Variants in SAMD12 observed in about 807,000 individuals in gnomAD.
SAMD12 encodes the protein sterile alpha motif domain-containing protein 12.
SAMD12 carries 9 observed loss-of-function variants against 15.0 expected under a neutral mutation model. That is an observed-to-expected ratio of 0.60 (90% confidence interval 0.36 to 1.05). The LOEUF (loss-of-function observed/expected upper bound fraction) is 1.05, where lower values mean the gene tolerates loss of function less well. SAMD12 is among the 50% of genes least tolerant of loss of function. The pLI, the probability that SAMD12 is intolerant of heterozygous loss-of-function variation, is 0.01. For missense variants in SAMD12, 230 were observed against 234.2 expected (o/e 0.98, Z 0.12); for synonymous variants, 86 against 90.1 (o/e 0.96, Z 0.25).
At chr8:118,200,674 T>C (rs535374841) in intron 4 of SAMD12, among the ~76,000 whole-genome samples, 2 of 152,332 alleles carry the variant, frequency 1.3e-5, no homozygotes, top group Admixed American at 6.5e-5. Flanking sequence ...TGCTCTTTGC[T>C]GTTTTTGCAG....
chr8:118,315,625 G>A (rs1394598666), intron 4 of SAMD12, among the ~76,000 whole-genome samples: 2 of 152,086 alleles, frequency 1.3e-5, no homozygotes. Flanking sequence ...CGGGATAAGT[G>A]TCTTAAAATA....
At chr8:118,518,880 G>A (rs778783377) in intron 2 of SAMD12, among the ~76,000 whole-genome samples, 8 of 152,120 alleles carry the variant, frequency 5.3e-5, no homozygotes, top group Admixed American at 3.3e-4. Flanking sequence ...CAGGCACCAG[G>A]GAAGAGTACA....
chr8:118,287,674 GGAAAGGGACAT>G (rs1328576563), intron 4 of SAMD12, among the ~76,000 whole-genome samples: 1 of 152,078 alleles, frequency 6.6e-6, no homozygotes, highest in African/African-American at 2.4e-5. Flanking sequence ...AGGACTAGGG[GGAAAGGGACAT>G]TTAGGAGGCT....
intron 3 of SAMD12, among the ~76,000 whole-genome samples, chr8:118,429,329 T>C (rs1262049527): frequency 6.6e-6 from 1 of 152,226 alleles, no homozygotes; most frequent in African/African-American, 2.4e-5. Context: ...AAATGCTCAC[T>C]GCAGTACTTC....
intron 4 of SAMD12, among the ~76,000 whole-genome samples, chr8:118,307,108 T>C (rs935059044): frequency 6.6e-6 from 1 of 152,188 alleles, no homozygotes; most frequent in Admixed American, 6.5e-5. Context: ...AGAACCAGCA[T>C]GACCTAACAT....
At chr8:118,453,522 G>A (rs1823147461) in intron 2 of SAMD12, among the ~76,000 whole-genome samples, 1 of 151,950 alleles carries the variant, frequency 6.6e-6, no homozygotes, top group Non-Finnish European at 1.5e-5. Flanking sequence ...AGTATTTGGG[G>A]GTATTTATTT....
chr8:118,521,217 T>C (rs770065653), intron 2 of SAMD12, among the ~76,000 whole-genome samples: 2 of 152,152 alleles, frequency 1.3e-5, no homozygotes, highest in Admixed American at 6.5e-5. Context: ...ACATCCATCA[T>C]CCAGCTGTTA....
intron 4 of SAMD12, among the ~76,000 whole-genome samples, chr8:118,207,608 T>G (rs1479904847): frequency 6.6e-6 from 1 of 152,176 alleles, no homozygotes; most frequent in African/African-American, 2.4e-5. Context: ...TTTCTCTCAT[T>G]GCTTCTACAC....
the SAMD12 span, among the ~76,000 whole-genome samples, chr8:118,184,230 G>T: frequency 2.0e-4 from 31 of 152,184 alleles, no homozygotes; most frequent in African/African-American, 7.5e-4. Context: ...ATCATTTAAT[G>T]ATTTGGCAAT....
chr8:118,418,263 CTT>C (rs1397498521), intron 3 of SAMD12, among the ~76,000 whole-genome samples: 1 of 152,198 alleles, frequency 6.6e-6, no homozygotes, highest in Non-Finnish European at 1.5e-5. Flanking sequence ...ATGCAGCAGT[CTT>C]TTCTACTGAT....
chr8:118,331,437 C>T (rs1479044783), intron 4 of SAMD12, among the ~76,000 whole-genome samples: 1 of 152,150 alleles, frequency 6.6e-6, no homozygotes, highest in Non-Finnish European at 1.5e-5. Context: ...GAAGAAGACA[C>T]TTCTCAAAAT....
chr8:118,604,037 C>A (rs1827929712), intron 1 of SAMD12, among the ~76,000 whole-genome samples: 1 of 152,118 alleles, frequency 6.6e-6, no homozygotes. Flanking sequence ...GCTTATTATA[C>A]TTCCTGGCAT....
At chr8:118,416,154 G>A (rs1055922662) in intron 3 of SAMD12, among the ~76,000 whole-genome samples, 10 of 152,098 alleles carry the variant, frequency 6.6e-5, no homozygotes, top group Non-Finnish European at 1.5e-4. Flanking sequence ...GAATCAAGGA[G>A]GCATCTTGCA....
At chr8:118,420,044 C>T (rs1205352666) in intron 3 of SAMD12, among the ~76,000 whole-genome samples, 2 of 152,200 alleles carry the variant, frequency 1.3e-5, no homozygotes, top group Admixed American at 1.3e-4. Flanking sequence ...ACACTGCCCT[C>T]AAGGGTGGCA....
At position 118,234,332 on chromosome 8, in the gene SAMD12, A is replaced by G. The variant is rs78541698; in HGVS notation, c.434-36600T>C. ...TTGCTTTATGTTTGTCATAATATTT[A>G]TCATCATCTGAAATTACACATACTG... On this transcript the variant is annotated intron_variant, in intron 4 of 4. Transcript: ENST00000409003. Among the ~76,000 whole-genome samples the G allele has an allele frequency of 3.4e-3, 521 of 152,202 alleles. 3 individuals are homozygous for G. The highest frequency in any genetic ancestry group is 0.011 in the African/African-American group (464 of 41,520).
chr8:118,162,768 G>A, the SAMD12 span, among the ~76,000 whole-genome samples: 1 of 152,148 alleles, frequency 6.6e-6, no homozygotes. Context: ...AGAAAAGAGT[G>A]AAAATGGAGA....
chr8:118,506,624 G>C (rs2131054148), intron 2 of SAMD12, among the ~76,000 whole-genome samples: 1 of 152,060 alleles, frequency 6.6e-6, no homozygotes, highest in South Asian at 2.1e-4. Context: ...ATGACTTGAG[G>C]CATGAAGAGT....
intron 4 of SAMD12, among the ~76,000 whole-genome samples, chr8:118,364,021 A>G (rs1818637143): frequency 6.6e-6 from 1 of 152,250 alleles, no homozygotes; most frequent in African/African-American, 2.4e-5. Flanking sequence ...CTAATGTTAG[A>G]TATTAATAAT....
chr8:118,437,235 G>A (rs16891012), intron 3 of SAMD12, among the ~76,000 whole-genome samples: 2,754 of 152,218 alleles, frequency 0.018, 86 homozygotes, highest in African/African-American at 0.063. Context: ...TGGGTATTTT[G>A]CATTCACTCT....
Sources: allele counts gnomAD v4.1 joint callset (sites outside exome capture counted in the v4.1 genomes callset), GRCh38; gene constraint gnomAD v4.1.1; transcripts MANE v1.5; gene names NCBI Gene and HGNC (gene_info 2026-07-23, HGNC 2026-07-21).